Variants in PRKG1 observed in about 807,000 individuals in gnomAD.
PRKG1 encodes protein kinase cGMP-dependent 1.
In PRKG1, 35 loss-of-function variants were observed where a neutral mutation model predicts 88.1. That is an observed-to-expected ratio of 0.40 (90% CI 0.30 to 0.53). PRKG1 has a LOEUF of 0.53. Ranked by LOEUF, PRKG1 falls within the 20% of genes least tolerant of loss-of-function variation. The pLI is 0.59. For missense variants in PRKG1, 540 were observed against 839.8 expected (o/e 0.64, Z 4.41); for synonymous variants, 303 against 292.5 (o/e 1.04, Z -0.37).
At chr10:52,197,536 A>T (rs139012895) in intron 9 of PRKG1, among the ~76,000 whole-genome samples, 1 of 152,338 alleles carries the variant, frequency 6.6e-6, no homozygotes, top group African/African-American at 2.4e-5. Flanking sequence ...TGAAGCCACC[A>T]TAAAACGGAG....
intron 3 of PRKG1, among the ~76,000 whole-genome samples, chr10:51,576,162 G>A (rs943103101): frequency 1.3e-5 from 2 of 151,866 alleles, no homozygotes; most frequent in Non-Finnish European, 2.9e-5. Context: ...AGTGAAGCTG[G>A]AATTTGAAGT....
chr10:51,203,875 T>A (rs1837975447), intron 2 of PRKG1, among the ~76,000 whole-genome samples: 1 of 152,250 alleles, frequency 6.6e-6, no homozygotes, highest in South Asian at 2.1e-4. Flanking sequence ...TTCTTCAGCA[T>A]CTTTCCTGTT....
rs1416418407 is a variant in PRKG1 at position 52,295,046 on chromosome 10, C to A, written c.*1146C>A. 1 of 152,342 alleles carries A rather than the reference C, an allele frequency of 6.6e-6. No individual in the cohort carries two copies. The highest frequency in any genetic ancestry group is 1.9e-4 in the East Asian group (1 of 5,184). 9.4% of individuals were successfully genotyped at this position (152,342 alleles called of 1,614,324 possible). On this transcript the variant is annotated 3_prime_UTR_variant, in exon 18 of 18. Transcript: ENST00000373980. ...GTTGAGAGACAAAGGTAATTATAAA[C>A]CTATTTGAACTAGCTTCTTGTCTTA...
At chr10:51,543,863 A>G (rs1564542691) in intron 3 of PRKG1, among the ~76,000 whole-genome samples, 1 of 152,196 alleles carries the variant, frequency 6.6e-6, no homozygotes, top group African/African-American at 2.4e-5. Flanking sequence ...TAGTTCAGAC[A>G]GGAAGAGACT....
chr10:52,207,472 C>G (rs1839850653), intron 9 of PRKG1, among the ~76,000 whole-genome samples: 1 of 152,128 alleles, frequency 6.6e-6, no homozygotes, highest in African/African-American at 2.4e-5. Context: ...GTAAGACCAC[C>G]CTGCTTTCTT....
chr10:52,276,851 T>C (rs1311261746), intron 12 of PRKG1, among the ~76,000 whole-genome samples: 1 of 152,208 alleles, frequency 6.6e-6, no homozygotes, highest in Non-Finnish European at 1.5e-5. Context: ...TCAAGATGTC[T>C]ATTTTAAAAT....
chr10:51,145,909 A>G lies in PRKG1; in HGVS notation c.312-7255A>G, dbSNP rs559194422. On this transcript the variant is annotated intron_variant, in intron 1 of 17. Coordinates refer to ENST00000373980, the MANE Select transcript of PRKG1 (RefSeq NM_006258.4). ...CCTGGCTATACTAATTTACATTCTC[A>G]CCTACAGTGTAAACTTTGGGAGGCT... 2.0e-5 allele frequency among the ~76,000 whole-genome samples: 3 copies of G among 152,252 alleles called. No homozygotes were observed. The South Asian group carries it at 6.2e-4, about 32-fold the overall frequency.
At chr10:51,367,284 T>C (rs971662919) in intron 2 of PRKG1, among the ~76,000 whole-genome samples, 9 of 151,922 alleles carry the variant, frequency 5.9e-5, no homozygotes, top group Admixed American at 5.3e-4. Context: ...AAGAAAACAT[T>C]GAAATTCCAA....
At chr10:51,519,213 T>C (rs561497624) in intron 3 of PRKG1, among the ~76,000 whole-genome samples, 1 of 152,284 alleles carries the variant, frequency 6.6e-6, no homozygotes, top group Non-Finnish European at 1.5e-5. Flanking sequence ...AGAAGAGTGA[T>C]TATTTTTAGT....
chr10:51,123,526 A>T (rs1845316611), intron 1 of PRKG1, among the ~76,000 whole-genome samples: 1 of 151,996 alleles, frequency 6.6e-6, no homozygotes, highest in Admixed American at 6.6e-5. Context: ...TCTCTACTAA[A>T]AATACAAAAA....
At position 52,236,992 on chromosome 10, in the gene PRKG1, G is replaced by A. The variant is rs1176279612; in HGVS notation, c.1077-14578G>A. ...CCATGATCAAGTGGGCTTCATCCCT[G>A]GGATGCAAGGCTGGTTCAATATACA... On this transcript the variant is annotated intron_variant, in intron 9 of 17. Coordinates refer to ENST00000373980, the MANE Select transcript of PRKG1 (RefSeq NM_006258.4). 5.6e-5 allele frequency among the ~76,000 whole-genome samples: 2 copies of A among 35,896 alleles called. 1 individual carries two copies. Among genetic ancestry groups the A allele is most frequent in the African/African-American group, 1.3e-4 (2 of 15,484 alleles). The allele number at this position is 35,896 out of a possible 152,430, so 23.5% of individuals were successfully genotyped here.
intron 1 of PRKG1, among the ~76,000 whole-genome samples, chr10:51,094,518 G>A (rs1844482168): frequency 6.6e-6 from 1 of 151,852 alleles, no homozygotes; most frequent in South Asian, 2.1e-4. Context: ...GAAACCTTTG[G>A]ATCCCAGTGT....
intron 9 of PRKG1, among the ~76,000 whole-genome samples, chr10:52,214,625 A>C (rs564511522): frequency 6.6e-6 from 1 of 152,294 alleles, no homozygotes; most frequent in South Asian, 2.1e-4. Context: ...CTTCACAAAC[A>C]AACCATTTAA....
intron 2 of PRKG1, among the ~76,000 whole-genome samples, chr10:51,463,084 A>T (rs1257213784): frequency 6.6e-6 from 1 of 152,196 alleles, no homozygotes; most frequent in Non-Finnish European, 1.5e-5. Context: ...CTTGGAAAAC[A>T]ACTTTCTGAT....
intron 2 of PRKG1, among the ~76,000 whole-genome samples, chr10:51,260,035 C>T (rs898076664): frequency 1.3e-5 from 2 of 152,160 alleles, no homozygotes; most frequent in Non-Finnish European, 2.9e-5. Flanking sequence ...TATACACACA[C>T]ATATGCATAC....
rs71029341 is a variant in PRKG1 at position 51,016,673 on chromosome 10, C to CTTTTTTTT, written c.266+25041_266+25048dup. On this transcript the variant is annotated intron_variant, in intron 1 of 17. Coordinates refer to the PRKG1 transcript ENST00000401604. ...AGTGAAGAAGGTATTATTATCCTTT[C>CTTTTTTTT]TTTTTTTTTTTTTTTTTTTGGAATC... 7.4e-4 allele frequency among the ~76,000 whole-genome samples: 26 copies of CTTTTTTTT among 35,188 alleles called. 7 individuals carry two copies. Among genetic ancestry groups the CTTTTTTTT allele is most frequent in the Non-Finnish European group, 9.6e-4 (20 of 20,904 alleles). 23.1% of individuals were successfully genotyped at this position (35,188 alleles called of 152,430 possible).
intron 3 of PRKG1, among the ~76,000 whole-genome samples, chr10:51,798,483 T>C (rs1225689903): frequency 6.6e-6 from 1 of 152,050 alleles, no homozygotes. Context: ...GGAAAAATTT[T>C]TCCCAAAACA....
chr10:51,503,240 C>T (rs1841086432), intron 3 of PRKG1, among the ~76,000 whole-genome samples: 1 of 152,038 alleles, frequency 6.6e-6, no homozygotes, highest in Admixed American at 6.6e-5. Context: ...TAGAACCCTC[C>T]TTTTTTTATT....
chr10:51,376,737 C>A (rs1189321), intron 2 of PRKG1, among the ~76,000 whole-genome samples: 2,510 of 152,140 alleles, frequency 0.016, 48 homozygotes, highest in African/African-American at 0.056. Context: ...TGCAAGGGTG[C>A]GATCTCGGCT....
Sources: allele counts gnomAD v4.1 joint callset (sites outside exome capture counted in the v4.1 genomes callset), GRCh38; gene constraint gnomAD v4.1.1; transcripts MANE v1.5; gene names NCBI Gene and HGNC (gene_info 2026-07-23, HGNC 2026-07-21).